ABLIM3: variants seen among roughly 807,000 people sequenced by gnomAD.
ABLIM3 encodes the protein actin-binding LIM protein 3.
Under a neutral mutation model 109.5 loss-of-function variants are expected in ABLIM3, and 61 were observed. The ratio of observed to expected loss-of-function variants is 0.56; its 90% confidence interval spans 0.45 to 0.69. The LOEUF (loss-of-function observed/expected upper bound fraction) is 0.69, where lower values mean the gene tolerates loss of function less well. Among genes scored for constraint, ABLIM3 ranks in the 30% least tolerant of loss-of-function variants. The probability of loss-of-function intolerance (pLI) is 0.00; values close to 1 mark genes in which losing one functional copy is unlikely to be tolerated. For synonymous variants in ABLIM3, 300 were observed against 324.8 expected, an observed-to-expected ratio of 0.92 and a Z score of 0.82; for missense variants, 796 against 889.5, an observed-to-expected ratio of 0.89 and a Z score of 1.34.
At chr5:149,255,761 G>A (rs1371186920) in intron 23 of ABLIM3, among the ~76,000 whole-genome samples, 7 of 152,190 alleles carry the variant, frequency 4.6e-5, no homozygotes, top group Middle Eastern at 3.2e-3. Context: ...CAACAAAGAT[G>A]AGGAGGAGAA....
intron 23 of ABLIM3, among the ~76,000 whole-genome samples, chr5:149,254,840 A>G (rs1933654224): frequency 6.6e-6 from 1 of 152,144 alleles, no homozygotes; most frequent in Non-Finnish European, 1.5e-5. Flanking sequence ...AATACCATAC[A>G]GGGGCCCCAC....
rs113752273 is a variant in ABLIM3, at chr5:149,205,390, A to G, written c.449-1618A>G. 9.8e-3 allele frequency among the ~76,000 whole-genome samples: 1,487 copies of G among 152,256 alleles called. 18 individuals carry two copies. The highest frequency in any genetic ancestry group is 0.034 in the African/African-American group (1,422 of 41,534). On this transcript the variant is annotated intron_variant, in intron 5 of 23. Transcript: ENST00000309868. ...ACTGCATTGGGTGGGATGTTTGACCAAATACTCTGTGAACTCCAAACCCCT... is the reference window on the plus strand; with the variant it reads ...ACTGCATTGGGTGGGATGTTTGACCGAATACTCTGTGAACTCCAAACCCCT...
chr5:149,214,872 T>G (rs1010812059), intron 7 of ABLIM3, among the ~76,000 whole-genome samples: 1 of 152,212 alleles, frequency 6.6e-6, no homozygotes, highest in Non-Finnish European at 1.5e-5. Flanking sequence ...CCTGGTTTGC[T>G]GTTTTCGGTC....
chr5:149,202,750 A>C (rs1758606785), intron 5 of ABLIM3, among the ~76,000 whole-genome samples: 1 of 152,184 alleles, frequency 6.6e-6, no homozygotes, highest in East Asian at 1.9e-4. Context: ...TCAAGAGAAA[A>C]TAATTCTGTT....
At chr5:149,175,619 G>A (rs773177880) in intron 2 of ABLIM3, among the ~76,000 whole-genome samples, 10 of 152,094 alleles carry the variant, frequency 6.6e-5, no homozygotes, top group Non-Finnish European at 1.3e-4. Flanking sequence ...GAGGAAGGAG[G>A]GGCGGGCAAT....
intron 2 of ABLIM3, among the ~76,000 whole-genome samples, chr5:149,182,130 A>G (rs1356490121): frequency 6.6e-6 from 1 of 152,236 alleles, no homozygotes; most frequent in Non-Finnish European, 1.5e-5. Context: ...ACTACCACAC[A>G]GGGTCAAGAA....
intron 12 of ABLIM3, 99 bp downstream of exon 12, chr5:149,239,376 C>T (rs1344711808): frequency 7.6e-7 from 1 of 1,323,470 alleles, no homozygotes; most frequent in East Asian, 2.3e-5. Flanking sequence ...AGCCCTTGCC[C>T]AAGGTATTCC....
chr5:149,215,186 G>A (rs570276444), intron 7 of ABLIM3, among the ~76,000 whole-genome samples: 2 of 152,144 alleles, frequency 1.3e-5, no homozygotes, highest in Non-Finnish European at 2.9e-5. Flanking sequence ...TGGAAAACAG[G>A]TCTATAATCA....
intron 23 of ABLIM3, among the ~76,000 whole-genome samples, chr5:149,258,036 A>G (rs1754597379): frequency 1.3e-5 from 2 of 152,230 alleles, no homozygotes; most frequent in Non-Finnish European, 2.9e-5. Flanking sequence ...CGGAAGTCCC[A>G]CTTGAGTCAT....
In ABLIM3 at chr5:149,183,545, G is replaced by A. The variant is rs367813606; in HGVS notation, c.107G>A (p.Arg36His). The change falls in exon 3 of 24, where the codon CGC (arginine) becomes CAC (histidine). Residue 36 changes from arginine to histidine, a missense_variant. Physicochemically the swap from Arg to His is conservative, Grantham distance 29. Coordinates refer to ENST00000309868, the MANE Select transcript of ABLIM3 (RefSeq NM_014945.5). ...CGDTCKGEVV[R>H]VHNNHFHIRC... ...GACACCTGCAAAGGGGAAGTGGTCC[G>A]CGTGCACAACAACCACTTCCACATC... 1.9e-5 allele frequency: 31 copies of A among 1,593,094 alleles called. No individual in the cohort carries two copies. The highest frequency in any genetic ancestry group is 4.1e-5 in the African/African-American group (3 of 73,536).
In ABLIM3 at chr5:149,259,317, A is replaced by G; in HGVS notation, c.*913A>G. 7.0e-7 allele frequency: 1 copy of G among 1,418,476 alleles called. No individual in the cohort carries two copies. The highest frequency in any genetic ancestry group is 9.2e-7 in the Non-Finnish European group (1 of 1,088,880). The allele number at this position is 1,418,476 out of a possible 1,614,324, so 87.9% of individuals were successfully genotyped here. A position where few individuals can be genotyped will look rare whatever the true frequency, so the allele number is the denominator to read the frequency against. Reference sequence around the variant, plus strand: ...ATTGCAGCTTGTATTCTTTAGCCTTATTACAATCTATGTGCCTGACAACTC... The same window carrying G: ...ATTGCAGCTTGTATTCTTTAGCCTTGTTACAATCTATGTGCCTGACAACTC... On this transcript the variant is annotated 3_prime_UTR_variant, in exon 24 of 24. Transcript: ENST00000309868.
At chr5:149,253,302 A>G (rs1304125014) in intron 23 of ABLIM3, among the ~76,000 whole-genome samples, 1 of 152,184 alleles carries the variant, frequency 6.6e-6, no homozygotes, top group Non-Finnish European at 1.5e-5. Context: ...ATGTGGAAGG[A>G]AAAAAAGCAT....
intron 7 of ABLIM3, among the ~76,000 whole-genome samples, chr5:149,211,682 T>C (rs1372912357): frequency 6.6e-6 from 1 of 150,780 alleles, no homozygotes; most frequent in Admixed American, 6.6e-5. Context: ...GTGGTTACCA[T>C]GAGTGCTTTG....
rs755282398 is a variant in ABLIM3, at chr5:149,211,163, T to A, written c.669+344T>A. Among the ~76,000 whole-genome samples the A allele has an allele frequency of 4.7e-4, 72 of 151,912 alleles. 1 individual carries two copies. Among genetic ancestry groups the A allele is most frequent in the Non-Finnish European group, 7.4e-4 (50 of 67,968 alleles). ...TCTTTTTTATTTATTTATTTATTTA[T>A]TTATTTAATTATTTATTTTGTTTGT... is the stretch of plus-strand genomic sequence containing the variant. On this transcript the variant is annotated intron_variant, in intron 7 of 23. Transcript: ENST00000309868.
rs764090826 is a variant in ABLIM3 at position 149,249,820 on chromosome 5, C to T, written c.1705C>T (p.Arg569Trp). ...GYEMSLNGSP[R>W]SHYLADSDPL... ...TCAGCTTTTCTCTCCTGCAGCCCCT[C>T]GGTCGCACTACCTGGCTGACAGTGG... The change falls in exon 19 of 24, where the codon CGG becomes TGG. Residue 569 changes from arginine (R) to tryptophan (W), a missense_variant. Arg to Trp is a moderately radical substitution (Grantham distance 101). Coordinates refer to ENST00000309868, the MANE Select transcript of ABLIM3 (RefSeq NM_014945.5). 4.3e-6 allele frequency: 7 copies of T among 1,614,230 alleles called. No individual in the cohort carries two copies. The highest frequency in any genetic ancestry group is 4.5e-5 in the East Asian group (2 of 44,888).
At chr5:149,166,040 T>C (rs1320023758) in intron 2 of ABLIM3, among the ~76,000 whole-genome samples, 1 of 152,236 alleles carries the variant, frequency 6.6e-6, no homozygotes, top group Admixed American at 6.5e-5. Context: ...GATCCATAAA[T>C]GTGTTTTAGT....
chr5:149,157,454 A>G (rs1581003398), intron 2 of ABLIM3, among the ~76,000 whole-genome samples: 2 of 151,586 alleles, frequency 1.3e-5, no homozygotes, highest in African/African-American at 2.4e-5. Context: ...CTGATTCTTT[A>G]TAAGAATTTC....
chr5:149,223,847 G>A (rs1210282474), intron 8 of ABLIM3, among the ~76,000 whole-genome samples: 1 of 152,136 alleles, frequency 6.6e-6, no homozygotes, highest in African/African-American at 2.4e-5. Context: ...CTGTAAAGAG[G>A]GATGAGGCTA....
chr5:149,149,188 T>C (rs1342788083), intron 2 of ABLIM3, among the ~76,000 whole-genome samples: 1 of 152,334 alleles, frequency 6.6e-6, no homozygotes, highest in East Asian at 1.9e-4. Flanking sequence ...AAACTCAAGA[T>C]CTATCATGTA....
Sources: gnomAD v4.1 joint callset for allele counts (sites outside exome capture counted in the v4.1 genomes callset) on GRCh38, gnomAD v4.1.1 for gene constraint, MANE v1.5 for transcripts, NCBI Gene and HGNC (gene_info 2026-07-23, HGNC 2026-07-21) for gene names.